ADGRV1: variants seen among roughly 807,000 people sequenced by gnomAD.
ADGRV1 encodes the protein G-protein coupled receptor 98.
In ADGRV1, 359 loss-of-function variants were observed where a neutral mutation model predicts 596.2. That is an observed-to-expected ratio of 0.60 (90% confidence interval 0.55 to 0.66). The LOEUF is 0.66. Ranked by LOEUF, ADGRV1 falls within the 30% of genes least tolerant of loss-of-function variation. The pLI is 0.00. For missense variants in ADGRV1, 7,274 were observed against 7,575.6 expected, an observed-to-expected ratio of 0.96 and a Z score of 1.48; for synonymous variants, 2,681 against 2,679.2, an observed-to-expected ratio of 1.00 and a Z score of -0.02.
chr5:91,135,361 C>T (rs942701495), intron 87 of ADGRV1, among the ~76,000 whole-genome samples: 5 of 152,096 alleles, frequency 3.3e-5, no homozygotes, highest in Non-Finnish European at 5.9e-5. Flanking sequence ...TGTTGCCTTT[C>T]CTATAACATG....
At chr5:90,678,146 A>G (rs1561510039) in intron 25 of ADGRV1, among the ~76,000 whole-genome samples, 3 of 152,310 alleles carry the variant, frequency 2.0e-5, no homozygotes, top group South Asian at 2.1e-4. Flanking sequence ...TGGGTGCCAT[A>G]CATTCTCATG....
intron 85 of ADGRV1, among the ~76,000 whole-genome samples, chr5:91,034,405 T>C (rs1449449257): frequency 6.6e-6 from 1 of 152,192 alleles, no homozygotes; most frequent in Non-Finnish European, 1.5e-5. Context: ...AAGGGTAATA[T>C]GTCATGGTAG....
intron 25 of ADGRV1, among the ~76,000 whole-genome samples, chr5:90,677,169 G>A (rs1226192410): frequency 6.6e-6 from 1 of 152,118 alleles, no homozygotes; most frequent in Non-Finnish European, 1.5e-5. Context: ...TTATTTTGAT[G>A]AAGAAAGCCA....
At chr5:90,936,695 G>C (rs1001218479) in intron 83 of ADGRV1, among the ~76,000 whole-genome samples, 1 of 151,620 alleles carries the variant, frequency 6.6e-6, no homozygotes, top group South Asian at 2.1e-4. Flanking sequence ...AAGTATCACC[G>C]TAGCTGCTTT....
intron 85 of ADGRV1, among the ~76,000 whole-genome samples, chr5:91,055,195 T>C (rs1201963401): frequency 3.3e-5 from 5 of 152,110 alleles, no homozygotes; most frequent in Admixed American, 6.6e-5. Flanking sequence ...AGACACTGGA[T>C]TAGAGGTGAT....
intron 85 of ADGRV1, among the ~76,000 whole-genome samples, chr5:91,053,790 A>T (rs932696045): frequency 2.6e-5 from 4 of 152,206 alleles, no homozygotes; most frequent in Admixed American, 6.5e-5. Context: ...TGTCTAAGTT[A>T]CTGCATAGTG....
intron 82 of ADGRV1, among the ~76,000 whole-genome samples, chr5:90,862,326 G>T (rs183817239): frequency 6.6e-6 from 1 of 150,636 alleles, no homozygotes; most frequent in African/African-American, 2.4e-5. Flanking sequence ...AAAAAACCTT[G>T]CAAGGCTTGC....
Position 90,783,738 on chromosome 5 carries a change from T to G in ADGRV1, c.13434-100T>G. On this transcript the variant is annotated intron_variant, in intron 66 of 89. Transcript: ENST00000405460. Reference sequence around the variant, plus strand: ...CCACTTGATGTGTGACTACTGTGCCTTGAATATGTATGACCAATTTGGAAA... The same window carrying G: ...CCACTTGATGTGTGACTACTGTGCCGTGAATATGTATGACCAATTTGGAAA... The G allele has an allele frequency of 3.6e-6, 3 of 830,698 alleles. 1 individual carries two copies. The South Asian group carries it at 5.4e-5, about 15-fold the overall frequency. 51.5% of individuals were successfully genotyped at this position (830,698 alleles called of 1,614,324 possible).
In ADGRV1 at chr5:90,745,078, G is replaced by T; in HGVS notation, c.10582G>T (p.Ala3528Ser). ...ACTTCTTATTGGCCAAGATATGTCT[G>T]CTCTTTACTGCTGGAATTCGGAGCG... ...HILLIGQDMS[A>S]LYCWNSERNQ... is the part of the protein sequence containing the mutation. The change falls in exon 51 of 90, where the codon GCT becomes TCT. Residue 3528 changes from alanine to serine, a missense_variant. Around this residue, in one of 5 missense-constraint regions of ADGRV1, gnomAD observed 3,643 missense variants for 3,809.2 expected, o/e 0.96. Transcript: ENST00000405460. 6.2e-7 allele frequency: 1 copy of T among 1,613,646 alleles called. No individual in the cohort carries two copies. The highest frequency in any genetic ancestry group is 2.2e-5 in the East Asian group (1 of 44,842).
At position 90,694,672 on chromosome 5, in the gene ADGRV1, G is replaced by C; in HGVS notation, c.7916G>C (p.Gly2639Ala). The C allele has an allele frequency of 6.3e-7, 1 of 1,598,906 alleles. No homozygotes were observed. Among genetic ancestry groups the C allele is most frequent in the Non-Finnish European group, 8.5e-7 (1 of 1,171,878 alleles). Reference sequence around the variant, plus strand: ...GCTACTGAAGGTTTAGATTTTATAGGTGCTGGAGAGATTCTGACCTTTGCT... The same window carrying C: ...GCTACTGAAGGTTTAGATTTTATAGCTGCTGGAGAGATTCTGACCTTTGCT... Reference protein sequence around the residue: ...GTATEGLDFIGAGEILTFAEG... With the variant: ...GTATEGLDFIAAGEILTFAEG... The change falls in exon 33 of 90, where the codon GGT (glycine) becomes GCT (alanine). Residue 2639 changes from glycine (G) to alanine (A), a missense_variant. Physicochemically the swap from Gly to Ala is moderately conservative, Grantham distance 60. Around this residue, in one of 5 missense-constraint regions of ADGRV1, gnomAD observed 3,643 missense variants for 3,809.2 expected, o/e 0.96. Transcript: ENST00000405460.
At chr5:90,721,576 T>TAAAAATAAAATATAAA (rs1554094707) in intron 45 of ADGRV1, among the ~76,000 whole-genome samples, 24,433 of 119,814 alleles carry the variant, frequency 0.2, 4,433 homozygotes, top group Middle Eastern at 0.28. Context: ...TAAAATAAAA[T>TAAAAATAAAATATAAA]AAAATAAAAT....
At chr5:90,615,724 C>A (rs1261497172) in intron 2 of ADGRV1, among the ~76,000 whole-genome samples, 2 of 151,702 alleles carry the variant, frequency 1.3e-5, no homozygotes, top group East Asian at 3.8e-4. Context: ...ATGAACGAAT[C>A]CAGTGCTATA....
chr5:91,150,487 C>T (rs955696639), intron 88 of ADGRV1, among the ~76,000 whole-genome samples: 1 of 152,138 alleles, frequency 6.6e-6, no homozygotes, highest in African/African-American at 2.4e-5. Flanking sequence ...CTAGACTGAC[C>T]AGCAGTTTGT....
At chr5:90,571,280 A>G (rs1015406125) in intron 1 of ADGRV1, among the ~76,000 whole-genome samples, 2 of 152,066 alleles carry the variant, frequency 1.3e-5, no homozygotes, top group Non-Finnish European at 2.9e-5. Flanking sequence ...TACCTTTAGC[A>G]TTCAGCCAGA....
intron 59 of ADGRV1, among the ~76,000 whole-genome samples, chr5:90,768,844 T>C (rs1465666501): frequency 1.3e-5 from 2 of 152,088 alleles, no homozygotes; most frequent in Admixed American, 6.6e-5. Flanking sequence ...CCAGAGGCTT[T>C]TTAGGAAGTG....
intron 83 of ADGRV1, among the ~76,000 whole-genome samples, chr5:90,959,995 T>G (rs573366143): frequency 2.6e-5 from 4 of 151,742 alleles, no homozygotes; most frequent in Non-Finnish European, 5.9e-5. Context: ...AAAAATTAGC[T>G]GGGCATGGTG....
At position 90,829,071 on chromosome 5, in the gene ADGRV1, A is replaced by G; in HGVS notation, c.16496A>G (p.Tyr5499Cys). ...LESDESQSLVYFSVGSRLAVA... is the reference protein window; with the variant it reads ...LESDESQSLVCFSVGSRLAVA... The stretch of plus-strand genomic sequence containing the variant: ...AGTGATGAATCTCAAAGCCTTGTGT[A>G]TTTTTCTGTGGGTTCTCGGCTGGCA... Residue 5499 changes from tyrosine (Y) to cysteine (C), a missense_variant, in exon 77 of 90, where the codon TAT (tyrosine) becomes TGT (cysteine). This residue lies in a region of ADGRV1 where 1,874 missense variants were observed against 1,970.2 expected (regional missense o/e 0.95). Transcript: ENST00000405460. 6.2e-7 allele frequency: 1 copy of G among 1,612,792 alleles called. No individual in the cohort carries two copies. Among genetic ancestry groups the G allele is most frequent in the Non-Finnish European group, 8.5e-7 (1 of 1,179,176 alleles).
At chr5:90,936,658 G>A (rs1454422392) in intron 83 of ADGRV1, among the ~76,000 whole-genome samples, 1 of 151,604 alleles carries the variant, frequency 6.6e-6, no homozygotes, top group Non-Finnish European at 1.5e-5. Context: ...TTGTTTTGTA[G>A]ATACAATTAA....
rs1265410387 is a variant in ADGRV1, at chr5:91,102,166, A to C, written c.18311-53A>C. The C allele has an allele frequency of 2.6e-6, 4 of 1,544,690 alleles. No homozygotes were observed. In the African/African-American group the frequency reaches 4.1e-5, roughly 16 times the overall value. On this transcript the variant is annotated intron_variant, in intron 86 of 89. Transcript: ENST00000405460. Reference sequence around the variant, plus strand: ...AGAAGCCAAAAATAACTGTGTATACATGTGACTGTGCAGTATTCTGAAGCT... The same window carrying C: ...AGAAGCCAAAAATAACTGTGTATACCTGTGACTGTGCAGTATTCTGAAGCT...
Sources: allele counts gnomAD v4.1 joint callset (sites outside exome capture counted in the v4.1 genomes callset), GRCh38; gene constraint gnomAD v4.1.1; regional missense constraint gnomAD v4.1.1; transcripts MANE v1.5; gene names NCBI Gene and HGNC (gene_info 2026-07-23, HGNC 2026-07-21).